Variants in COL11A1 observed in about 807,000 individuals in gnomAD.
COL11A1 encodes collagen type XI alpha 1 chain.
In COL11A1, 74 loss-of-function variants were observed where a neutral mutation model predicts 265.2. That is an observed-to-expected ratio of 0.28 (90% CI 0.23 to 0.34). The LOEUF is 0.34. Ranked by LOEUF, COL11A1 falls within the 10% of genes least tolerant of loss-of-function variation. The probability of loss-of-function intolerance (pLI) is 1.00; values close to 1 mark genes in which losing one functional copy is unlikely to be tolerated. For missense variants in COL11A1, 2,165 were observed against 2,263.6 expected, an observed-to-expected ratio of 0.96 and a Z score of 0.88; for synonymous variants, 816 against 727.6, an observed-to-expected ratio of 1.12 and a Z score of -1.96.
chr1:102,957,019 C>G (rs1238823229), intron 41 of COL11A1, among the ~76,000 whole-genome samples: 1 of 151,284 alleles, frequency 6.6e-6, no homozygotes, highest in Non-Finnish European at 1.5e-5. Flanking sequence ...TAAAGATGAC[C>G]CTGTATAAAG....
rs1179358092 is a variant in COL11A1 at position 102,995,824 on chromosome 1, A to G, written c.2340+40T>C. ...TTGAATAAATTTAAATGTTAACATA[A>G]TACACAGAAATTAATACCATCTAAA... On this transcript the variant is annotated intron_variant, in intron 28 of 66. Coordinates refer to ENST00000370096, the MANE Select transcript of COL11A1 (RefSeq NM_001854.4). The G allele has an allele frequency of 2.0e-6, 3 of 1,496,858 alleles. No homozygotes were observed. In the East Asian group the frequency reaches 6.8e-5, roughly 34 times the overall value. 92.7% of individuals were successfully genotyped at this position (1,496,858 alleles called of 1,614,324 possible).
chr1:103,028,371 C>T (rs1460520358), intron 5 of COL11A1, among the ~76,000 whole-genome samples: 1 of 152,090 alleles, frequency 6.6e-6, no homozygotes, highest in Non-Finnish European at 1.5e-5. Context: ...ACTCCTGGTT[C>T]TCCTTTATCT....
At chr1:103,092,918 G>T (rs1318233077) in intron 1 of COL11A1, among the ~76,000 whole-genome samples, 1 of 151,792 alleles carries the variant, frequency 6.6e-6, no homozygotes, top group Non-Finnish European at 1.5e-5. Context: ...GTCTGCTGTG[G>T]TTGCCTGCCA....
intron 1 of COL11A1, among the ~76,000 whole-genome samples, chr1:103,103,172 A>T (rs1353855871): frequency 2.0e-5 from 3 of 151,932 alleles, no homozygotes; most frequent in African/African-American, 7.2e-5. Flanking sequence ...CACTTGTTTA[A>T]AAAAAAACTG....
intron 54 of COL11A1, among the ~76,000 whole-genome samples, chr1:102,907,219 C>A (rs17446095): frequency 0.051 from 7,782 of 152,002 alleles, 260 homozygotes; most frequent in Middle Eastern, 0.13. Context: ...ATTTTGTTTA[C>A]AAAGTGACTA....
At chr1:102,964,587 GGTGTGT>G (rs10627254) in intron 38 of COL11A1, among the ~76,000 whole-genome samples, 1 of 149,420 alleles carries the variant, frequency 6.7e-6, no homozygotes, top group Non-Finnish European at 1.5e-5. Flanking sequence ...TTTCTCTAGG[GGTGTGT>G]GTGTGTGTGT....
intron 46 of COL11A1, among the ~76,000 whole-genome samples, chr1:102,932,168 A>G (rs886854083): frequency 6.7e-6 from 1 of 149,088 alleles, no homozygotes; most frequent in Non-Finnish European, 1.5e-5. Flanking sequence ...TCGTTAGTTG[A>G]TGCACTTTCT....
rs908433448 is a variant in COL11A1, at chr1:102,939,085, C to G, written c.3388G>C (p.Glu1130Gln). ...GSPGEDGDKG[E>Q]IGEPGQKGSK... is the part of the protein sequence containing the mutation. ...CCTTTTTGTCCCGGCTCACCAATTT[C>G]ACCCTGAAATTGAAAGATTTGACTT... is the stretch of plus-strand genomic sequence containing the variant. Residue 1130 changes from glutamate to glutamine, a missense_variant, in exon 44 of 67, where the codon GAA becomes CAA. Coordinates refer to ENST00000370096, the MANE Select transcript of COL11A1 (RefSeq NM_001854.4). The G allele has an allele frequency of 6.2e-7, 1 of 1,613,610 alleles. No individual in the cohort carries two copies. Among genetic ancestry groups the G allele is most frequent in the African/African-American group, 1.3e-5 (1 of 75,030 alleles).
At chr1:102,917,530 A>C (rs1251325169) in intron 49 of COL11A1, among the ~76,000 whole-genome samples, 1 of 151,990 alleles carries the variant, frequency 6.6e-6, no homozygotes, top group Non-Finnish European at 1.5e-5. Flanking sequence ...CAGCAAAAGA[A>C]ATAACCAAAA....
intron 47 of COL11A1, among the ~76,000 whole-genome samples, chr1:102,922,342 G>A (rs1274186706): frequency 6.6e-6 from 1 of 152,140 alleles, no homozygotes; most frequent in Non-Finnish European, 1.5e-5. Context: ...TATCTGGAAA[G>A]GAACTTGCTA....
intron 28 of COL11A1, among the ~76,000 whole-genome samples, chr1:102,993,197 A>G (rs1281017030): frequency 6.6e-6 from 1 of 152,178 alleles, no homozygotes; most frequent in Non-Finnish European, 1.5e-5. Flanking sequence ...TTAACAAGAA[A>G]AATTCTAAAC....
intron 25 of COL11A1, 59 bp downstream of exon 25, chr1:102,998,251 A>G: frequency 1.5e-6 from 2 of 1,364,768 alleles, no homozygotes; most frequent in South Asian, 1.2e-5. Flanking sequence ...AAACACATGT[A>G]AAATCTATTT....
At position 102,877,960 on chromosome 1, in the gene COL11A1, A is replaced by C; in HGVS notation, c.*59T>G. The C allele has an allele frequency of 1.3e-6, 2 of 1,578,270 alleles. No homozygotes were observed. On this transcript the variant is annotated 3_prime_UTR_variant, in exon 67 of 67. Coordinates refer to ENST00000370096, the MANE Select transcript of COL11A1 (RefSeq NM_001854.4). ...ATTCAAAACTTGCATGTGGCACAAA[A>C]TGGGTTGGTGGCACCAAGGTATATT...
At chr1:103,052,450 C>A (rs1669907429) in intron 4 of COL11A1, among the ~76,000 whole-genome samples, 1 of 152,164 alleles carries the variant, frequency 6.6e-6, no homozygotes, top group Admixed American at 6.6e-5. Flanking sequence ...AAATCTTCAT[C>A]TTTTACATGT....
intron 4 of COL11A1, among the ~76,000 whole-genome samples, chr1:103,036,688 C>T (rs1335655837): frequency 2.0e-5 from 3 of 151,890 alleles, no homozygotes; most frequent in Non-Finnish European, 4.4e-5. Context: ...TAAACAAGCT[C>T]ATTGTTACAG....
At chr1:102,878,871 A>G (rs1388872073) in intron 66 of COL11A1, among the ~76,000 whole-genome samples, 1 of 152,148 alleles carries the variant, frequency 6.6e-6, no homozygotes, top group Non-Finnish European at 1.5e-5. Flanking sequence ...AAATTCTCTT[A>G]CAGAAAAAGT....
chr1:103,049,948 A>T (rs1295008223), intron 4 of COL11A1, among the ~76,000 whole-genome samples: 1 of 152,180 alleles, frequency 6.6e-6, no homozygotes, highest in Non-Finnish European at 1.5e-5. Context: ...TCTGGCTTGT[A>T]GAGTTTCTGC....
intron 19 of COL11A1, 48 bp from the exon 20 acceptor site, chr1:103,004,536 T>A (rs1215451306): frequency 1.3e-6 from 2 of 1,592,054 alleles, no homozygotes; most frequent in Non-Finnish European, 1.7e-6. Flanking sequence ...GGACAATGTA[T>A]CATTTCAACA....
chr1:102,882,928 G>A (rs1378585525), intron 64 of COL11A1, among the ~76,000 whole-genome samples: 1 of 152,122 alleles, frequency 6.6e-6, no homozygotes, highest in Non-Finnish European at 1.5e-5. Context: ...TTGAGATTCA[G>A]CTGTGCTGTG....
Sources: allele counts gnomAD v4.1 joint callset (sites outside exome capture counted in the v4.1 genomes callset), GRCh38; gene constraint gnomAD v4.1.1; transcripts MANE v1.5; gene names NCBI Gene and HGNC (gene_info 2026-07-23, HGNC 2026-07-21).